Variants in LOXHD1 observed in about 807,000 individuals in gnomAD.
The protein encoded by LOXHD1 is lipoxygenase homology PLAT domains 1, also known as lipoxygenase homology domain-containing protein 1.
Under a neutral mutation model 248.2 loss-of-function variants are expected in LOXHD1, and 205 were observed. The observed-to-expected ratio is 0.83, with a 90% CI of 0.74 to 0.93. The LOEUF (loss-of-function observed/expected upper bound fraction) is 0.93, where lower values mean the gene tolerates loss of function less well. Ranked by LOEUF, LOXHD1 falls within the 40% of genes least tolerant of loss-of-function variation. The pLI is 0.00. For synonymous variants in LOXHD1, 1,113 were observed against 1,162.8 expected (o/e 0.96, Z 0.87); for missense variants, 2,930 against 2,971.6 (o/e 0.99, Z 0.33).
chr18:46,559,884 G>A (rs908125394), intron 19 of LOXHD1, among the ~76,000 whole-genome samples, 199 bp downstream of exon 19: 2 of 152,272 alleles, frequency 1.3e-5, no homozygotes, highest in Non-Finnish European at 2.9e-5. Context: ...CAGAACAAGC[G>A]CCATGCTTAT....
In LOXHD1 at chr18:46,641,307, T is replaced by C. The variant is rs550134423; in HGVS notation, c.326+649A>G. Among the ~76,000 whole-genome samples the C allele has an allele frequency of 9.7e-4, 147 of 152,220 alleles. 2 individuals are homozygous for C. Among genetic ancestry groups the C allele is most frequent in the Non-Finnish European group, 1.4e-3 (93 of 68,008 alleles). On this transcript the variant is annotated intron_variant, in intron 3 of 40. Coordinates refer to ENST00000642948, the MANE Select transcript of LOXHD1 (RefSeq NM_001384474.1). Reference sequence around the variant, plus strand: ...CAGACCACAAATGAACATCTGACAATGGGCATGAACTTGAATAGGGGTGGA... The same window carrying C: ...CAGACCACAAATGAACATCTGACAACGGGCATGAACTTGAATAGGGGTGGA...
chr18:46,478,755 C>T (rs771962487), intron 40 of LOXHD1, among the ~76,000 whole-genome samples: 8 of 152,084 alleles, frequency 5.3e-5, no homozygotes, highest in South Asian at 2.1e-4. Context: ...TGCAATGGCG[C>T]GATCATAGCT....
chr18:46,600,203 G>A (rs2038313446), intron 8 of LOXHD1, among the ~76,000 whole-genome samples: 1 of 152,178 alleles, frequency 6.6e-6, no homozygotes, highest in Non-Finnish European at 1.5e-5. Flanking sequence ...CAAATAAATT[G>A]TAACTCATTC....
chr18:46,592,544 A>G lies in LOXHD1; in HGVS notation c.1472T>C (p.Val491Ala). Reference sequence around the variant, plus strand: ...ACCAGAACTCCTTTTATCATGCCATACTCGAATCTTATAAAACCTGCCAAG... The same window carrying G: ...ACCAGAACTCCTTTTATCATGCCATGCTCGAATCTTATAAAACCTGCCAAG... The part of the protein sequence containing the change: ...PDLGRFYKIR[V>A]WHDKRSSGSG... Residue 491 changes from valine to alanine, a missense_variant, in exon 11 of 41, where the codon GTA (valine) becomes GCA (alanine). Val to Ala is a moderately conservative substitution (Grantham distance 64, BLOSUM62 0). Coordinates refer to ENST00000642948, the MANE Select transcript of LOXHD1 (RefSeq NM_001384474.1). The G allele has an allele frequency of 3.2e-6, 5 of 1,551,586 alleles. No individual in the cohort carries two copies. Among genetic ancestry groups the G allele is most frequent in the Non-Finnish European group, 4.4e-6 (5 of 1,146,946 alleles).
chr18:46,645,882 G>A (rs1387862858), intron 2 of LOXHD1, among the ~76,000 whole-genome samples: 1 of 152,196 alleles, frequency 6.6e-6, no homozygotes, highest in East Asian at 1.9e-4. Context: ...GAAAGAGAAT[G>A]TGGGAGAAGC....
chr18:46,656,829 C>T lies in LOXHD1; in HGVS notation c.130+75G>A, dbSNP rs57915611. 5,567 of 1,482,084 alleles carry T rather than the reference C, an allele frequency of 3.8e-3. 182 individuals are homozygous for T. The African/African-American group carries it at 0.07, about 19-fold the overall frequency. The allele number at this position is 1,482,084 out of a possible 1,614,324, so 91.8% of individuals were successfully genotyped here. Reference sequence around the variant, plus strand: ...TTGCTCCGAAATCTTAGAATGACTCCCCATAGACAGGAACAGACCCCTGCC... The same window carrying T: ...TTGCTCCGAAATCTTAGAATGACTCTCCATAGACAGGAACAGACCCCTGCC... On this transcript the variant is annotated intron_variant, in intron 1 of 40. Coordinates refer to ENST00000642948, the MANE Select transcript of LOXHD1 (RefSeq NM_001384474.1).
intron 14 of LOXHD1, among the ~76,000 whole-genome samples, chr18:46,573,832 T>C (rs2037803202): frequency 6.6e-6 from 1 of 152,204 alleles, no homozygotes; most frequent in Non-Finnish European, 1.5e-5. Context: ...ACTAGGCTGT[T>C]ATTTTTCCCA....
chr18:46,587,720 C>T (rs1265586225), intron 12 of LOXHD1, among the ~76,000 whole-genome samples: 4 of 152,200 alleles, frequency 2.6e-5, no homozygotes, highest in South Asian at 2.1e-4. Flanking sequence ...GTCCAGTGGC[C>T]TCTTGCCCAC....
Position 46,585,468 on chromosome 18 carries a change from T to C in LOXHD1, c.1655-5684A>G, listed in dbSNP as rs555706125. ...ACAGCATCAAAAAGAATAAAATATT[T>C]AGAAGTAAATTTAAGAAAACAAGTG... is the stretch of plus-strand genomic sequence containing the variant. On this transcript the variant is annotated intron_variant, in intron 12 of 40. Transcript: ENST00000642948. Among the ~76,000 whole-genome samples the C allele has an allele frequency of 6.6e-5, 10 of 152,162 alleles. No homozygotes were observed. The South Asian group carries it at 1.0e-3, about 16-fold the overall frequency.
chr18:46,648,800 C>T (rs2039068231), intron 2 of LOXHD1, among the ~76,000 whole-genome samples: 1 of 152,136 alleles, frequency 6.6e-6, no homozygotes, highest in South Asian at 2.1e-4. Flanking sequence ...GTATGGTCTT[C>T]CCGATATCTG....
rs142608300 is a variant in LOXHD1, at chr18:46,541,554, T to C, written c.3913+222A>G. Among the ~76,000 whole-genome samples the C allele has an allele frequency of 3.6e-3, 553 of 152,318 alleles. 2 individuals carry two copies. Among genetic ancestry groups the C allele is most frequent in the Non-Finnish European group, 4.4e-3 (301 of 68,032 alleles). On this transcript the variant is annotated intron_variant, in intron 25 of 40. Coordinates refer to ENST00000642948, the MANE Select transcript of LOXHD1 (RefSeq NM_001384474.1). The stretch of plus-strand genomic sequence containing the variant: ...TCTCTACATGTTGTCACCAGCTAGC[T>C]TGGAGTAGAGTTTAGAATAAATTTC...
In LOXHD1 at chr18:46,591,946, G is replaced by A; in HGVS notation, c.1641C>T (p.Arg547=). ...GTCAGTACTTACTGCCCATGATCCT[G>A]CGCACTGTTGGGCCTTCTGCAGTCA... is the stretch of plus-strand genomic sequence containing the variant. ...REMTAEGPTV[R]RIMGMARYHV... is the part of the protein sequence containing the mutation. The change falls in exon 12 of 41, where the codon CGC becomes CGT. Residue 547 remains arginine, a synonymous_variant. Transcript: ENST00000642948. 4 of 1,551,788 alleles carry A rather than the reference G, an allele frequency of 2.6e-6. No homozygotes were observed. The highest frequency in any genetic ancestry group is 1.2e-5 in the South Asian group (1 of 84,058).
chr18:46,614,197 G>A (rs1217330188), intron 5 of LOXHD1, among the ~76,000 whole-genome samples: 1 of 152,154 alleles, frequency 6.6e-6, no homozygotes, highest in Non-Finnish European at 1.5e-5. Flanking sequence ...AACACCATTT[G>A]ACCCAGCCAT....
chr18:46,625,170 C>T (rs573655256), intron 4 of LOXHD1, among the ~76,000 whole-genome samples: 1 of 152,328 alleles, frequency 6.6e-6, no homozygotes, highest in Admixed American at 6.5e-5. Context: ...ACCCTGCCAG[C>T]TTTAGTTCAA....
At chr18:46,504,189 C>T (rs1251885617) in intron 37 of LOXHD1, among the ~76,000 whole-genome samples, 1 of 152,154 alleles carries the variant, frequency 6.6e-6, no homozygotes, top group African/African-American at 2.4e-5. Flanking sequence ...TCACAGCTCA[C>T]TGCAGCCTTG....
At chr18:46,513,245 C>T (rs928587519) in intron 34 of LOXHD1, among the ~76,000 whole-genome samples, 12 of 152,262 alleles carry the variant, frequency 7.9e-5, no homozygotes, top group African/African-American at 2.4e-4. Flanking sequence ...GTCTCTAGAA[C>T]CTTTGACTGT....
chr18:46,623,251 T>C (rs1599057042), intron 4 of LOXHD1, among the ~76,000 whole-genome samples: 1 of 152,194 alleles, frequency 6.6e-6, no homozygotes, highest in South Asian at 2.1e-4. Context: ...CTGATGTGAA[T>C]TGTGTCTCCT....
chr18:46,497,911 T>A (rs1044123067), intron 37 of LOXHD1, among the ~76,000 whole-genome samples: 1 of 152,168 alleles, frequency 6.6e-6, no homozygotes, highest in African/African-American at 2.4e-5. Flanking sequence ...CATGGCAGGA[T>A]GCACAGTGGG....
intron 5 of LOXHD1, among the ~76,000 whole-genome samples, chr18:46,614,759 T>C (rs1040309681): frequency 6.6e-6 from 1 of 151,020 alleles, no homozygotes; most frequent in Non-Finnish European, 1.5e-5. Flanking sequence ...TTTTTAGGTC[T>C]TTATTCATAA....
Sources: gnomAD v4.1 joint callset for allele counts (sites outside exome capture counted in the v4.1 genomes callset) on GRCh38, gnomAD v4.1.1 for gene constraint, MANE v1.5 for transcripts, NCBI Gene and HGNC (gene_info 2026-07-23, HGNC 2026-07-21) for gene names.